The following PCCA variants were observed in gnomAD, a reference collection of about 807,000 sequenced individuals.
PCCA encodes the protein propionyl-CoA carboxylase alpha chain, mitochondrial.
Under a neutral mutation model 101.3 loss-of-function variants are expected in PCCA, and 74 were observed. The ratio of observed to expected loss-of-function variants is 0.73; its 90% CI spans 0.61 to 0.89. PCCA has a LOEUF of 0.89. Ranked by LOEUF, PCCA falls within the 40% of genes least tolerant of loss-of-function variation. The pLI is 0.00. For missense variants in PCCA, 891 were observed against 907.0 expected (o/e 0.98, Z 0.23); for synonymous variants, 294 against 313.6 (o/e 0.94, Z 0.66).
chr13:100,215,744 A>G (rs941436842), intron 7 of PCCA, among the ~76,000 whole-genome samples: 2 of 151,926 alleles, frequency 1.3e-5, no homozygotes, highest in Admixed American at 6.6e-5. Context: ...GGTTCAAGCA[A>G]TTCTCCCACC....
intron 6 of PCCA, among the ~76,000 whole-genome samples, chr13:100,167,062 T>C (rs1310530012): frequency 1.3e-5 from 2 of 152,202 alleles, no homozygotes; most frequent in Non-Finnish European, 2.9e-5. Flanking sequence ...TTGCTTGTCT[T>C]ATTTAGACAT....
At chr13:100,134,904 G>A (rs1184753008) in intron 4 of PCCA, among the ~76,000 whole-genome samples, 2 of 146,728 alleles carry the variant, frequency 1.4e-5, no homozygotes, top group Non-Finnish European at 3.0e-5. Context: ...TCCTGCACAT[G>A]CTTTGTTTTG....
At chr13:100,379,047 G>A (rs1028426437) in intron 19 of PCCA, among the ~76,000 whole-genome samples, 22 of 151,900 alleles carry the variant, frequency 1.4e-4, no homozygotes, top group African/African-American at 4.8e-5. Flanking sequence ...GGTAATATTC[G>A]CTTCTTCCAA....
chr13:100,300,559 A>G (rs745512683), intron 12 of PCCA, among the ~76,000 whole-genome samples: 22 of 152,186 alleles, frequency 1.4e-4, no homozygotes, highest in Admixed American at 3.3e-4. Context: ...TTTTTATGAG[A>G]AAAAAATGAC....
chr13:100,283,892 G>A (rs1279522254), intron 12 of PCCA, among the ~76,000 whole-genome samples: 4 of 152,194 alleles, frequency 2.6e-5, no homozygotes, highest in South Asian at 2.1e-4. Flanking sequence ...CCACTATGCC[G>A]AGGCAATCAC....
chr13:100,186,258 C>A (rs1170952926), intron 6 of PCCA, among the ~76,000 whole-genome samples: 2 of 152,106 alleles, frequency 1.3e-5, no homozygotes, highest in African/African-American at 4.8e-5. Context: ...ATTCAATGAT[C>A]TGGATATGGC....
chr13:100,525,102 A>C (rs1349349177), intron 22 of PCCA, among the ~76,000 whole-genome samples: 2 of 152,110 alleles, frequency 1.3e-5, no homozygotes, highest in Non-Finnish European at 2.9e-5. Context: ...GAGAGGAACT[A>C]GGGAGGGGAA....
chr13:100,232,200 G>A (rs774497291), intron 7 of PCCA, among the ~76,000 whole-genome samples: 2 of 152,040 alleles, frequency 1.3e-5, no homozygotes, highest in Non-Finnish European at 2.9e-5. Context: ...CTTCCTTACT[G>A]TGTTTCAGCT....
chr13:100,438,157 AT>A (rs1255409815), intron 20 of PCCA, among the ~76,000 whole-genome samples: 1 of 142,756 alleles, frequency 7.0e-6, no homozygotes, highest in Non-Finnish European at 1.5e-5. Flanking sequence ...TTTATTTTTT[AT>A]TTTACTTTTT....
At chr13:100,411,547 C>T (rs985794927) in intron 19 of PCCA, among the ~76,000 whole-genome samples, 2 of 152,186 alleles carry the variant, frequency 1.3e-5, no homozygotes, top group Non-Finnish European at 2.9e-5. Context: ...CTATGCCCTG[C>T]AAGTCTGGAA....
chr13:100,520,539 G>A (rs929256389), intron 22 of PCCA, among the ~76,000 whole-genome samples: 1 of 149,762 alleles, frequency 6.7e-6, no homozygotes, highest in South Asian at 2.1e-4. Context: ...GGAGGCTGAG[G>A]CAGGAGAATG....
At chr13:100,448,210 G>A (rs1422772953) in intron 20 of PCCA, among the ~76,000 whole-genome samples, 5 of 152,130 alleles carry the variant, frequency 3.3e-5, no homozygotes, top group African/African-American at 7.2e-5. Flanking sequence ...TGTTTTTTGA[G>A]ACGGAGTCTC....
chr13:100,352,598 T>C (rs1174183862), intron 18 of PCCA, among the ~76,000 whole-genome samples: 1 of 151,928 alleles, frequency 6.6e-6, no homozygotes, highest in Non-Finnish European at 1.5e-5. Context: ...CTTGCTATGT[T>C]ACCCAGGCAA....
chr13:100,366,075 G>A (rs986523893), intron 18 of PCCA, among the ~76,000 whole-genome samples: 14 of 152,162 alleles, frequency 9.2e-5, no homozygotes, highest in South Asian at 2.1e-4. Flanking sequence ...ACTTGGTGTG[G>A]GGTAGAAAAC....
intron 7 of PCCA, among the ~76,000 whole-genome samples, chr13:100,227,496 G>T (rs941024165): frequency 6.6e-6 from 1 of 152,090 alleles, no homozygotes; most frequent in African/African-American, 2.4e-5. Context: ...TACTATTCTT[G>T]GGTTGGGTGA....
intron 12 of PCCA, among the ~76,000 whole-genome samples, chr13:100,296,908 G>C (rs2065585527): frequency 6.6e-6 from 1 of 152,082 alleles, no homozygotes; most frequent in Non-Finnish European, 1.5e-5. Flanking sequence ...AAAAAATCTG[G>C]TTCAGCATCC....
intron 19 of PCCA, among the ~76,000 whole-genome samples, chr13:100,419,121 C>G (rs1473356009): frequency 6.6e-6 from 1 of 152,096 alleles, no homozygotes; most frequent in Non-Finnish European, 1.5e-5. Context: ...AAGATCACCT[C>G]CTCAGAGAGG....
chr13:100,294,108 T>G (rs2065337317), intron 12 of PCCA, among the ~76,000 whole-genome samples: 1 of 152,178 alleles, frequency 6.6e-6, no homozygotes, highest in South Asian at 2.1e-4. Flanking sequence ...TTGGAGGCCT[T>G]TCTCGTTGCT....
Position 100,154,866 on chromosome 13 carries a change from G to A in PCCA, c.301-113G>A, listed in dbSNP as rs1162993946. On this transcript the variant is annotated intron_variant, in intron 4 of 23. Coordinates refer to ENST00000376285, the MANE Select transcript of PCCA (RefSeq NM_000282.4). Reference sequence around the variant, plus strand: ...TTAGTGCATACTCAAAAAGAAATACGACTCTATAAATGATAGGCAGAACAA... The same window carrying A: ...TTAGTGCATACTCAAAAAGAAATACAACTCTATAAATGATAGGCAGAACAA... 97 of 775,708 alleles carry A rather than the reference G, an allele frequency of 1.3e-4. 2 individuals carry two copies. The South Asian group carries it at 1.3e-3, about 10-fold the overall frequency. The allele number at this position is 775,708 out of a possible 1,614,324, so 48.1% of individuals were successfully genotyped here. A position where few individuals can be genotyped will look rare whatever the true frequency, so the allele number is the denominator to read the frequency against.
Sources: gnomAD v4.1 joint callset for allele counts (sites outside exome capture counted in the v4.1 genomes callset) on GRCh38, gnomAD v4.1.1 for gene constraint, MANE v1.5 for transcripts, NCBI Gene and HGNC (gene_info 2026-07-23, HGNC 2026-07-21) for gene names.